Variants in COL8A1 observed in about 807,000 individuals in gnomAD.
COL8A1 encodes collagen type VIII alpha 1 chain, also known as collagen alpha-1(VIII) chain.
A neutral mutation model predicts 42.7 loss-of-function variants in COL8A1; 21 were observed. That is an observed-to-expected ratio of 0.49 (90% CI 0.35 to 0.71). The LOEUF is 0.71. Among genes scored for constraint, COL8A1 ranks in the 30% least tolerant of loss-of-function variants. COL8A1 has a pLI of 0.01. For missense variants in COL8A1, 788 were observed against 962.4 expected (o/e 0.82, Z 2.40); for synonymous variants, 367 against 369.1 (o/e 0.99, Z 0.06).
At chr3:99,769,992 C>T (rs1167719211) in intron 2 of COL8A1, among the ~76,000 whole-genome samples, 1 of 152,096 alleles carries the variant, frequency 6.6e-6, no homozygotes, top group African/African-American at 2.4e-5. Flanking sequence ...CTTCTACAGA[C>T]AAATTTATTT....
chr3:99,766,935 G>A (rs1941475131), intron 2 of COL8A1, among the ~76,000 whole-genome samples: 1 of 144,248 alleles, frequency 6.9e-6, no homozygotes, highest in East Asian at 2.1e-4. Flanking sequence ...AGCAACAAGA[G>A]CGAAACTCTG....
intron 1 of COL8A1, chr3:99,679,475 G>C (rs1319277382): frequency 6.6e-6 from 1 of 152,172 alleles, no homozygotes; most frequent in Non-Finnish European, 1.5e-5. Context: ...TTCTATAATA[G>C]AGTTTCCAGT....
At chr3:99,702,526 TG>T (rs1264239374) in intron 1 of COL8A1, among the ~76,000 whole-genome samples, 2 of 152,212 alleles carry the variant, frequency 1.3e-5, no homozygotes, top group African/African-American at 4.8e-5. Context: ...AACATGTTTT[TG>T]ACTACTAGTA....
intron 2 of COL8A1, among the ~76,000 whole-genome samples, chr3:99,780,753 C>A (rs929958986): frequency 2.6e-5 from 4 of 152,206 alleles, no homozygotes; most frequent in Non-Finnish European, 5.9e-5. Context: ...TAATACTCTG[C>A]CCTTTCCTTT....
At chr3:99,651,398 T>C (rs938346301) in intron 1 of COL8A1, among the ~76,000 whole-genome samples, 1 of 152,272 alleles carries the variant, frequency 6.6e-6, no homozygotes. Context: ...TTCTTTATCA[T>C]AGATTTTCCC....
chr3:99,697,743 A>G (rs531260817), intron 1 of COL8A1, among the ~76,000 whole-genome samples: 1 of 152,332 alleles, frequency 6.6e-6, no homozygotes, highest in East Asian at 1.9e-4. Context: ...CTTTGGAAAA[A>G]TTTGTGGATA....
chr3:99,663,510 A>G (rs914214286), intron 1 of COL8A1, among the ~76,000 whole-genome samples: 2 of 152,132 alleles, frequency 1.3e-5, no homozygotes, highest in African/African-American at 4.8e-5. Context: ...TCCAAGCGTT[A>G]GTGGCAGTGT....
chr3:99,774,309 A>T (rs1403903493), intron 2 of COL8A1, among the ~76,000 whole-genome samples: 2 of 151,658 alleles, frequency 1.3e-5, no homozygotes, highest in East Asian at 3.9e-4. Context: ...ATATTTAGTC[A>T]TTCTTAGCCT....
intron 1 of COL8A1, among the ~76,000 whole-genome samples, chr3:99,682,603 G>A (rs1938920033): frequency 1.4e-5 from 2 of 147,792 alleles, no homozygotes; most frequent in South Asian, 4.2e-4. Context: ...TTAAGTAAAA[G>A]GAATGTGAAA....
At chr3:99,663,639 C>T (rs1413498370) in intron 1 of COL8A1, among the ~76,000 whole-genome samples, 2 of 152,136 alleles carry the variant, frequency 1.3e-5, no homozygotes, top group East Asian at 3.9e-4. Flanking sequence ...GTCATTTTCC[C>T]TATTTAATTG....
chr3:99,641,735 C>T (rs983076165), intron 1 of COL8A1, among the ~76,000 whole-genome samples: 2 of 152,154 alleles, frequency 1.3e-5, no homozygotes, highest in South Asian at 2.1e-4. Context: ...CCAAGTAACC[C>T]TCTGGGAGCT....
At chr3:99,693,061 G>C (rs897417377) in intron 1 of COL8A1, among the ~76,000 whole-genome samples, 2 of 152,112 alleles carry the variant, frequency 1.3e-5, no homozygotes, top group African/African-American at 4.8e-5. Flanking sequence ...TGAGAGGCGC[G>C]TGTTTGTAAT....
intron 1 of COL8A1, among the ~76,000 whole-genome samples, chr3:99,647,322 T>A (rs539928794): frequency 2.0e-5 from 3 of 152,342 alleles, no homozygotes; most frequent in South Asian, 4.1e-4. Flanking sequence ...TTGCTAGTTG[T>A]TAAGTAATAC....
intron 1 of COL8A1, among the ~76,000 whole-genome samples, chr3:99,677,348 C>T (rs766225319): frequency 1.3e-5 from 2 of 152,066 alleles, no homozygotes; most frequent in African/African-American, 4.8e-5. Flanking sequence ...CTGTTAGCTT[C>T]TAGATTTCTC....
At chr3:99,733,494 C>A (rs62283472) in intron 1 of COL8A1, among the ~76,000 whole-genome samples, 9,968 of 148,064 alleles carry the variant, frequency 0.067, 423 homozygotes, top group Middle Eastern at 0.11. Flanking sequence ...TTTTTTATGG[C>A]TGCATAGTAT....
intron 1 of COL8A1, among the ~76,000 whole-genome samples, chr3:99,662,688 C>T (rs1272903605): frequency 1.3e-5 from 2 of 152,126 alleles, no homozygotes; most frequent in Non-Finnish European, 2.9e-5. Context: ...ACCAATAGGC[C>T]GGAAGGGTTA....
intron 1 of COL8A1, among the ~76,000 whole-genome samples, chr3:99,700,792 G>T (rs916760118): frequency 6.6e-6 from 1 of 152,150 alleles, no homozygotes; most frequent in Non-Finnish European, 1.5e-5. Flanking sequence ...CATCCTTTAA[G>T]TTGTGTTGTG....
chr3:99,660,224 A>T (rs924049861), intron 1 of COL8A1, among the ~76,000 whole-genome samples: 4 of 152,210 alleles, frequency 2.6e-5, no homozygotes, highest in African/African-American at 9.6e-5. Context: ...GCTTTGCATA[A>T]GCTCTCCAAA....
intron 2 of COL8A1, among the ~76,000 whole-genome samples, chr3:99,783,212 C>A (rs1052410305): frequency 3.9e-5 from 6 of 152,126 alleles, no homozygotes; most frequent in Admixed American, 2.0e-4. Flanking sequence ...TCTGGAGAAC[C>A]TTTGGAATGT....
Sources: gnomAD v4.1 joint callset for allele counts (sites outside exome capture counted in the v4.1 genomes callset) on GRCh38, gnomAD v4.1.1 for gene constraint, MANE v1.5 for transcripts, NCBI Gene and HGNC (gene_info 2026-07-23, HGNC 2026-07-21) for gene names.